The following WDR36 variants were observed in gnomAD, a reference collection of about 807,000 sequenced individuals.
WDR36 encodes WD repeat domain 36.
Under a neutral mutation model 112.7 loss-of-function variants are expected in WDR36, and 63 were observed. That is an observed-to-expected ratio of 0.56 (90% CI 0.46 to 0.69). The LOEUF is 0.69. Ranked by LOEUF, WDR36 falls within the 30% of genes least tolerant of loss-of-function variation. WDR36 has a pLI of 0.00. For synonymous variants in WDR36, 410 were observed against 362.2 expected (o/e 1.13, Z -1.50); for missense variants, 1,226 against 1,070.3 (o/e 1.15, Z -2.03).
chr5:111,116,820 C>T (rs1753465955), intron 16 of WDR36, among the ~76,000 whole-genome samples: 1 of 152,108 alleles, frequency 6.6e-6, no homozygotes, highest in Admixed American at 6.5e-5. Context: ...ATGAAGTTGA[C>T]AAGATAATTA....
chr5:111,094,927 AACTT>A lies in WDR36; in HGVS notation c.172_175del (p.Leu58ValfsTer5). 6.2e-7 allele frequency: 1 copy of A among 1,605,968 alleles called. No homozygotes were observed. The highest frequency in any genetic ancestry group is 8.5e-7 in the Non-Finnish European group (1 of 1,174,992). ...TTTTTCTTTTTTAAACAGGTTCAGA[AACTT>A]AGTCTGGTTGCAGTAAGTAAGTATG... On this transcript the variant is annotated frameshift_variant, in exon 2 of 23. Transcript: ENST00000513710. LOFTEE classifies it high-confidence loss of function.
At chr5:111,108,808 A>C (rs538425291) in intron 12 of WDR36, among the ~76,000 whole-genome samples, 1 of 151,420 alleles carries the variant, frequency 6.6e-6, no homozygotes, top group Admixed American at 6.6e-5. Context: ...TGAACCTAAG[A>C]CAATTCATTC....
intron 1 of WDR36, 112 bp from the exon 2 acceptor site, chr5:111,094,808 T>C (rs1339433866): frequency 5.9e-6 from 5 of 854,528 alleles, no homozygotes; most frequent in Non-Finnish European, 9.2e-6. Flanking sequence ...GTCTTTCTTA[T>C]GAAGGACAGC....
Position 111,121,048 on chromosome 5 carries a change from T to C in WDR36, c.2055T>C (p.Tyr685=). The C allele has an allele frequency of 6.2e-7, 1 of 1,613,630 alleles. No individual in the cohort carries two copies. ...AACCAAGTGATGAATTGATAGAATA[T>C]GATTCGCCAGAACAGTTGAATGAGC... The part of the protein sequence containing the change: ...TVEPSDELIE[Y]DSPEQLNEQL... Residue 685 remains tyrosine, a synonymous_variant, in exon 19 of 23, where the codon TAT becomes TAC. Transcript: ENST00000513710.
rs200841659 is a variant in WDR36 at position 111,098,854 on chromosome 5, A to T, written c.409+15A>T. 6.7e-7 allele frequency: 1 copy of T among 1,493,498 alleles called. No homozygotes were observed. Among genetic ancestry groups the T allele is most frequent in the East Asian group, 2.3e-5 (1 of 44,190 alleles). The allele number at this position is 1,493,498 out of a possible 1,614,324, so 92.5% of individuals were successfully genotyped here. A position where few individuals can be genotyped will look rare whatever the true frequency, so the allele number is the denominator to read the frequency against. ...ATATTCAGAAGGTAAGAGTTAACTC[A>T]TTTATTTGCTTTATCTTAGGGTAGT... On this transcript the variant is annotated intron_variant, in intron 4 of 22. Transcript: ENST00000513710.
chr5:111,110,508 A>C (rs901466879), intron 13 of WDR36, among the ~76,000 whole-genome samples: 1 of 151,472 alleles, frequency 6.6e-6, no homozygotes. Context: ...AGTTACGTGG[A>C]TATTATACAG....
intron 1 of WDR36, among the ~76,000 whole-genome samples, chr5:111,093,196 A>G (rs1752904430): frequency 1.3e-5 from 2 of 152,216 alleles, no homozygotes; most frequent in East Asian, 3.8e-4. Context: ...TATATAATCT[A>G]TTAAAGTAAA....
At chr5:111,107,785 A>G (rs897067247) in intron 12 of WDR36, among the ~76,000 whole-genome samples, 1 of 151,334 alleles carries the variant, frequency 6.6e-6, no homozygotes, top group African/African-American at 2.4e-5. Context: ...GCTGAAAGTC[A>G]TTTGACCATG....
At chr5:111,095,303 A>G in intron 2 of WDR36, 1 of 216,088 alleles carries the variant, frequency 4.6e-6, no homozygotes, top group South Asian at 8.1e-5. Flanking sequence ...AATCACAGTG[A>G]ATTGTATCAG....
chr5:111,110,355 G>C (rs778604578), intron 13 of WDR36, 52 bp downstream of exon 13: 101 of 1,407,492 alleles, frequency 7.2e-5, no homozygotes, highest in Non-Finnish European at 5.8e-5. Context: ...TACAAAACTA[G>C]TAGTGAAAGC....
Position 111,130,214 on chromosome 5 carries a change from CA to C in WDR36, c.*3335del. Reference sequence around the variant, plus strand: ...CTAGTTCCAGGACCCCTGTGGATACCAAAATCCAAGCAATGCCCTGCAGATC... The same window carrying C: ...CTAGTTCCAGGACCCCTGTGGATACCAAATCCAAGCAATGCCCTGCAGATC... On this transcript the variant is annotated 3_prime_UTR_variant, in exon 23 of 23. Coordinates refer to ENST00000513710, the MANE Select transcript of WDR36 (RefSeq NM_139281.3). 9.7e-6 allele frequency: 2 copies of C among 205,548 alleles called. No homozygotes were observed. Among genetic ancestry groups the C allele is most frequent in the Non-Finnish European group, 2.0e-5 (2 of 100,182 alleles). 12.7% of individuals were successfully genotyped at this position (205,548 alleles called of 1,614,324 possible).
At chr5:111,110,378 T>C in intron 13 of WDR36, 75 bp downstream of exon 13, 2 of 1,244,904 alleles carry the variant, frequency 1.6e-6, no homozygotes, top group Non-Finnish European at 2.4e-6. Flanking sequence ...GTATGTATAA[T>C]CTTTAAGTGC....
At chr5:111,115,948 A>T (rs1456929989) in intron 16 of WDR36, among the ~76,000 whole-genome samples, 1 of 149,270 alleles carries the variant, frequency 6.7e-6, no homozygotes, top group Non-Finnish European at 1.5e-5. Flanking sequence ...ATTCTTTCTT[A>T]TTTTTTTTTT....
intron 14 of WDR36, 73 bp from the exon 15 acceptor site, chr5:111,111,097 A>G (rs1301337524): frequency 6.4e-7 from 1 of 1,560,660 alleles, no homozygotes; most frequent in Non-Finnish European, 8.8e-7. Context: ...TTGATTTAAC[A>G]AAATTCAAGT....
At chr5:111,096,487 T>A (rs1752983009) in intron 2 of WDR36, among the ~76,000 whole-genome samples, 1 of 152,162 alleles carries the variant, frequency 6.6e-6, no homozygotes. Flanking sequence ...GCAGATCACC[T>A]GAGGTCAGGA....
chr5:111,098,055 T>TTTA (rs1753030621), intron 3 of WDR36, among the ~76,000 whole-genome samples: 1 of 152,204 alleles, frequency 6.6e-6, no homozygotes. Flanking sequence ...ATGTGGAGAC[T>TTTA]TTAATAAAGG....
rs752635516 is a variant in WDR36, at chr5:111,092,356, T to G, written c.-101T>G. On this transcript the variant is annotated 5_prime_UTR_variant, in exon 1 of 23. Transcript: ENST00000513710. Reference sequence around the variant, plus strand: ...CGGGCGCCGGAAGCGGTGTTGTGTCTGCAGCTCTGGCAGAGGACTGTTCCA... The same window carrying G: ...CGGGCGCCGGAAGCGGTGTTGTGTCGGCAGCTCTGGCAGAGGACTGTTCCA... The G allele has an allele frequency of 2.5e-6, 4 of 1,614,110 alleles. No homozygotes were observed. Among genetic ancestry groups the G allele is most frequent in the Non-Finnish European group, 3.4e-6 (4 of 1,180,052 alleles).
intron 11 of WDR36, 135 bp downstream of exon 11, chr5:111,106,278 G>T: frequency 1.3e-6 from 1 of 796,228 alleles, no homozygotes; most frequent in Non-Finnish European, 2.2e-6. Flanking sequence ...CCAGGTGCAT[G>T]CTGGTCTTGT....
chr5:111,120,688 T>A, intron 18 of WDR36, 95 bp downstream of exon 18: 1 of 1,034,266 alleles, frequency 9.7e-7, no homozygotes, highest in Non-Finnish European at 1.5e-6. Context: ...GTGCATTCAA[T>A]CAAAGTGTTT....
Sources: gnomAD v4.1 joint callset for allele counts (sites outside exome capture counted in the v4.1 genomes callset) on GRCh38, gnomAD v4.1.1 for gene constraint, MANE v1.5 for transcripts, NCBI Gene and HGNC (gene_info 2026-07-23, HGNC 2026-07-21) for gene names.